The following MX2 variants were observed in gnomAD, a reference collection of about 807,000 sequenced individuals.
MX2 encodes the protein interferon-induced GTP-binding protein Mx2.
In MX2, 51 loss-of-function variants were observed where a neutral mutation model predicts 74.0. That is an observed-to-expected ratio of 0.69 (90% CI 0.55 to 0.87). MX2 has a LOEUF of 0.87. Ranked by LOEUF, MX2 falls within the 40% of genes least tolerant of loss-of-function variation. The pLI, the probability that MX2 is intolerant of heterozygous loss-of-function variation, is 0.00. For missense variants in MX2, 832 were observed against 908.7 expected (o/e 0.92, Z 1.09); for synonymous variants, 369 against 339.3 (o/e 1.09, Z -0.96).
At chr21:41,372,339 GA>G (rs2089336793) in intron 1 of MX2, among the ~76,000 whole-genome samples, 2 of 152,158 alleles carry the variant, frequency 1.3e-5, no homozygotes, top group African/African-American at 2.4e-5. Flanking sequence ...GGCACTCAAG[GA>G]CAGGTGTTCT....
Position 41,380,077 on chromosome 21 carries a change from C to A in MX2, c.503C>A (p.Ala168Asp). The A allele has an allele frequency of 6.2e-7, 1 of 1,614,034 alleles. No homozygotes were observed. The highest frequency in any genetic ancestry group is 1.1e-5 in the South Asian group (1 of 91,076). Residue 168 changes from alanine to aspartate, a missense_variant, in exon 4 of 14, where the codon GCC (alanine) becomes GAC (aspartate). Ala to Asp is a moderately radical substitution (Grantham distance 126, BLOSUM62 -2). Transcript: ENST00000330714. The surrounding 1 kb of genome is among the most constrained non-coding windows in gnomAD (Gnocchi z 4.3). ...KLKKQPCEAWAGRISYRNTEL... is the reference protein window; with the variant it reads ...KLKKQPCEAWDGRISYRNTEL... ...AAAAAGCAGCCCTGTGAGGCATGGG[C>A]CGGAAGGATCAGCTACCGGAACACC...
At chr21:41,362,758 T>TC (rs2089226698) in intron 1 of MX2, among the ~76,000 whole-genome samples, 2 of 76,600 alleles carry the variant, frequency 2.6e-5, no homozygotes, top group African/African-American at 8.1e-5. Context: ...TTCTTTTTTT[T>TC]TTTTTTTTTT....
chr21:41,401,848 ACTC>A, intron 10 of MX2, 119 bp from the exon 11 acceptor site: 1 of 1,069,168 alleles, frequency 9.4e-7, no homozygotes, highest in Non-Finnish European at 1.3e-6. Flanking sequence ...TGTGAACAAA[ACTC>A]CACTTTGCAA....
intron 6 of MX2, among the ~76,000 whole-genome samples, chr21:41,395,288 G>A (rs975665484): frequency 2.8e-4 from 42 of 152,130 alleles, no homozygotes; most frequent in African/African-American, 9.9e-4. Context: ...GGTGCATGGA[G>A]CCAGTCCATT....
chr21:41,366,192 A>T lies in MX2; in HGVS notation c.-72+4137A>T, dbSNP rs908495819. The T allele has an allele frequency of 6.6e-6, 1 of 152,238 alleles. No homozygotes were observed. Among genetic ancestry groups the T allele is most frequent in the African/African-American group, 2.4e-5 (1 of 41,462 alleles). The allele number at this position is 152,238 out of a possible 1,614,324, so 9.4% of individuals were successfully genotyped here. ...CAGCTGCCTTCGTGTATCACTGGGA[A>T]ATCTTAAAGATCCCACAGTGGCCTG... On this transcript the variant is annotated intron_variant, in intron 1 of 13. Transcript: ENST00000330714. This position sits in a 1 kb window ranked among gnomAD's most constrained non-coding sequence, Gnocchi z 4.5.
chr21:41,379,435 G>A lies in MX2; in HGVS notation c.443-582G>A, dbSNP rs1031071746. Among the ~76,000 whole-genome samples, 4 of 152,172 alleles carry A rather than the reference G, an allele frequency of 2.6e-5. 1 individual carries two copies. Among genetic ancestry groups the A allele is most frequent in the Admixed American group, 1.3e-4 (2 of 15,284 alleles). ...GCATCGGAGGATCCTGCCTCAAAGG[G>A]CACTATCAGGATTCCCCTTGCTCCT... is the stretch of plus-strand genomic sequence containing the variant. On this transcript the variant is annotated intron_variant, in intron 3 of 13. Coordinates refer to ENST00000330714, the MANE Select transcript of MX2 (RefSeq NM_002463.2).
rs749058688 is a variant in MX2, at chr21:41,377,005, A to G, written c.99A>G (p.Pro33=). The G allele has an allele frequency of 6.2e-7, 1 of 1,614,174 alleles. No homozygotes were observed. The change falls in exon 2 of 14, where the codon CCA becomes CCG. Residue 33 remains proline, a synonymous_variant. Coordinates refer to ENST00000330714, the MANE Select transcript of MX2 (RefSeq NM_002463.2). ...AAATGAATTCCTTCCAGCAACAGCC[A>G]CCGCCATTCGGCACAGTGCCACCAC... ...KKEMNSFQQQ[P]PPFGTVPPQM... is the part of the protein sequence containing the mutation.
chr21:41,384,204 C>T (rs2089537511), intron 5 of MX2, among the ~76,000 whole-genome samples: 1 of 152,160 alleles, frequency 6.6e-6, no homozygotes. Flanking sequence ...TCCTGTTAAG[C>T]CCGTGGAACT....
At chr21:41,407,834 C>A (rs901952378) in intron 13 of MX2, among the ~76,000 whole-genome samples, 157 bp from the exon 14 acceptor site, 2 of 152,018 alleles carry the variant, frequency 1.3e-5, no homozygotes, top group African/African-American at 4.8e-5. Context: ...AGAACCTTCA[C>A]GGGGCTTGAT....
intron 5 of MX2, among the ~76,000 whole-genome samples, chr21:41,387,151 AG>A (rs748568954): frequency 7.9e-5 from 12 of 152,124 alleles, no homozygotes; most frequent in Non-Finnish European, 1.5e-4. Flanking sequence ...TGATTTCCAA[AG>A]GCACTGCCAA....
At chr21:41,370,619 G>A (rs1369942300) in intron 1 of MX2, 1 of 152,178 alleles carries the variant, frequency 6.6e-6, no homozygotes, top group African/African-American at 2.4e-5. Context: ...GAGAAGAGTT[G>A]GAAGCAAAAA....
intron 10 of MX2, chr21:41,400,962 C>G (rs1324991623): frequency 6.6e-6 from 1 of 152,308 alleles, no homozygotes; most frequent in Non-Finnish European, 1.5e-5. Context: ...CCTCCTCTGC[C>G]TCCCAAAATG....
intron 1 of MX2, among the ~76,000 whole-genome samples, chr21:41,373,517 A>T (rs1272164655): frequency 6.6e-6 from 1 of 152,008 alleles, no homozygotes; most frequent in African/African-American, 2.4e-5. Context: ...GGCCCTTTGG[A>T]GTTGTGTGGC....
At chr21:41,374,377 C>T (rs1390287790) in intron 1 of MX2, among the ~76,000 whole-genome samples, 1 of 152,232 alleles carries the variant, frequency 6.6e-6, no homozygotes, top group Non-Finnish European at 1.5e-5. Context: ...TGGCCTAGTC[C>T]TGCCCTGCCC....
At chr21:41,373,887 C>G (rs376041355) in intron 1 of MX2, 4 of 152,364 alleles carry the variant, frequency 2.6e-5, no homozygotes, top group Admixed American at 2.0e-4. Context: ...CTGCACCCCC[C>G]TCCTAAACAG....
At chr21:41,379,639 G>A (rs1035544005) in intron 3 of MX2, among the ~76,000 whole-genome samples, 4 of 152,088 alleles carry the variant, frequency 2.6e-5, no homozygotes, top group Non-Finnish European at 5.9e-5. Flanking sequence ...CACCTGACAT[G>A]CTGACTCCAG....
intron 10 of MX2, chr21:41,401,710 G>A: frequency 3.6e-6 from 1 of 280,698 alleles, no homozygotes; most frequent in South Asian, 8.7e-5. Flanking sequence ...CTACCAGTTA[G>A]AAACAATAGC....
chr21:41,386,639 G>A (rs1053268380), intron 5 of MX2, among the ~76,000 whole-genome samples: 8 of 152,168 alleles, frequency 5.3e-5, no homozygotes, highest in African/African-American at 1.4e-4. Flanking sequence ...CAGGCTCCCT[G>A]GAGCCCCAGG....
intron 1 of MX2, chr21:41,365,408 G>A (rs2145849273): frequency 6.6e-6 from 1 of 152,208 alleles, no homozygotes; most frequent in South Asian, 2.1e-4. Context: ...AGGCTCAGGT[G>A]TCTCTTGTTC....
Sources: allele counts gnomAD v4.1 joint callset (sites outside exome capture counted in the v4.1 genomes callset), GRCh38; gene constraint gnomAD v4.1.1; non-coding constraint Gnocchi (gnomAD v3.1); transcripts MANE v1.5; gene names NCBI Gene and HGNC (gene_info 2026-07-23, HGNC 2026-07-21).